The following WASF3 variants were observed in gnomAD, a reference collection of about 807,000 sequenced individuals.
The protein encoded by WASF3 is actin-binding protein WASF3.
A neutral mutation model predicts 46.6 loss-of-function variants in WASF3; 11 were observed. The ratio of observed to expected loss-of-function variants is 0.24; its 90% CI spans 0.15 to 0.39. WASF3 has a LOEUF of 0.39. WASF3 is among the 10% of genes least tolerant of loss of function. WASF3 has a pLI of 1.00. For missense variants in WASF3, 576 were observed against 669.8 expected (o/e 0.86, Z 1.55); for synonymous variants, 242 against 259.7 (o/e 0.93, Z 0.65).
chr13:26,598,944 C>T (rs891292310), intron 1 of WASF3, among the ~76,000 whole-genome samples: 3 of 152,066 alleles, frequency 2.0e-5, no homozygotes, highest in Admixed American at 6.6e-5. Context: ...GATCTTGGCT[C>T]GCTGCATCCT....
intron 9 of WASF3, among the ~76,000 whole-genome samples, chr13:26,683,955 TG>T (rs1329871647): frequency 3.9e-5 from 6 of 152,180 alleles, no homozygotes. Flanking sequence ...TTCTCGCCTG[TG>T]GGGAGCTGCA....
At chr13:26,620,305 G>C (rs892192170) in intron 2 of WASF3, among the ~76,000 whole-genome samples, 1 of 151,718 alleles carries the variant, frequency 6.6e-6, no homozygotes, top group Non-Finnish European at 1.5e-5. Context: ...AACAGATGTA[G>C]GTTCAAATAT....
At chr13:26,617,728 G>A (rs948384519) in intron 2 of WASF3, among the ~76,000 whole-genome samples, 4 of 152,148 alleles carry the variant, frequency 2.6e-5, no homozygotes, top group African/African-American at 9.7e-5. Flanking sequence ...CATTCTATAA[G>A]TGGTTTGGCT....
chr13:26,643,746 T>C (rs1250632832), intron 3 of WASF3, among the ~76,000 whole-genome samples: 1 of 152,206 alleles, frequency 6.6e-6, no homozygotes, highest in Admixed American at 6.5e-5. Context: ...AGAGTTTTAA[T>C]AATCAATCTG....
chr13:26,625,693 C>G (rs991126025), intron 2 of WASF3, among the ~76,000 whole-genome samples: 2 of 152,192 alleles, frequency 1.3e-5, no homozygotes, highest in South Asian at 4.1e-4. Flanking sequence ...AGCACCCTCT[C>G]ACAGACTCAC....
chr13:26,669,803 C>T (rs1427634485), intron 5 of WASF3, among the ~76,000 whole-genome samples: 2 of 152,092 alleles, frequency 1.3e-5, no homozygotes, highest in Non-Finnish European at 2.9e-5. Flanking sequence ...CATCAGCCAC[C>T]ATGCCCAGCC....
At chr13:26,563,274 G>T (rs1356008038) in intron 1 of WASF3, among the ~76,000 whole-genome samples, 1 of 151,804 alleles carries the variant, frequency 6.6e-6, no homozygotes, top group Non-Finnish European at 1.5e-5. Context: ...TGCCCAAGCT[G>T]GTCTTGAACT....
the WASF3 span, among the ~76,000 whole-genome samples, chr13:26,551,055 G>A: frequency 6.6e-6 from 1 of 152,182 alleles, no homozygotes; most frequent in Non-Finnish European, 1.5e-5. Flanking sequence ...CTCCCTTGCT[G>A]TTCTCATGAT....
At chr13:26,659,434 A>C (rs1210567901) in intron 3 of WASF3, among the ~76,000 whole-genome samples, 1 of 152,002 alleles carries the variant, frequency 6.6e-6, no homozygotes, top group African/African-American at 2.4e-5. Flanking sequence ...ATAAGTGGTC[A>C]TCTGGCCTTT....
intron 2 of WASF3, among the ~76,000 whole-genome samples, chr13:26,633,139 A>AT (rs1208783694): frequency 2.8e-5 from 4 of 141,650 alleles, no homozygotes; most frequent in East Asian, 2.1e-4. Context: ...GGATTCATTG[A>AT]TTTTTTGAAG....
intron 3 of WASF3, among the ~76,000 whole-genome samples, chr13:26,652,673 A>G (rs1334164667): frequency 2.0e-5 from 3 of 152,222 alleles, no homozygotes. Context: ...AGATAATTAT[A>G]ATCTTTTTAG....
intron 8 of WASF3, among the ~76,000 whole-genome samples, 165 bp downstream of exon 8, chr13:26,681,485 G>A (rs368481538): frequency 6.6e-6 from 1 of 152,166 alleles, no homozygotes; most frequent in Non-Finnish European, 1.5e-5. Context: ...AATAAAGCAG[G>A]TGCAGCATAA....
At chr13:26,611,125 C>T (rs998217001) in intron 1 of WASF3, among the ~76,000 whole-genome samples, 4 of 148,204 alleles carry the variant, frequency 2.7e-5, no homozygotes, top group African/African-American at 1.0e-4. Flanking sequence ...CTGCTTTAGC[C>T]TCCCAGAGTG....
rs1045780245 is a variant in WASF3 at position 26,682,125 on chromosome 13, T to C, written c.984-482T>C. ...CTCGGCTGAATAGAATTCAGCAGAT[T>C]TCTTGGCTGTGTGACTTTTCGAAGC... On this transcript the variant is annotated intron_variant, in intron 8 of 9. Transcript: ENST00000335327. This position sits in a 1 kb window ranked among gnomAD's most constrained non-coding sequence, Gnocchi z 4.4. Among the ~76,000 whole-genome samples, 1 of 152,192 alleles carries C rather than the reference T, an allele frequency of 6.6e-6. No individual in the cohort carries two copies. The highest frequency in any genetic ancestry group is 6.5e-5 in the Admixed American group (1 of 15,286).
chr13:26,552,844 C>T (rs761905653), upstream of WASF3, among the ~76,000 whole-genome samples: 5 of 152,146 alleles, frequency 3.3e-5, no homozygotes, highest in Non-Finnish European at 7.4e-5. Context: ...TGTTTTTCCA[C>T]TAAAGACTTA....
At position 26,667,986 on chromosome 13, in the gene WASF3, G is replaced by A. The variant is rs183952601; in HGVS notation, c.422+316G>A. On this transcript the variant is annotated intron_variant, in intron 5 of 9. Transcript: ENST00000335327. ...GCATAACAGTATTGTGTGTGGTTATGTTGTTGTTTTTAGATTCGAAGTCAA... is the reference window on the plus strand; with the variant it reads ...GCATAACAGTATTGTGTGTGGTTATATTGTTGTTTTTAGATTCGAAGTCAA... Among the ~76,000 whole-genome samples the A allele has an allele frequency of 2.2e-3, 330 of 152,262 alleles. 2 individuals carry two copies. The highest frequency in any genetic ancestry group is 3.9e-3 in the Non-Finnish European group (266 of 68,020).
the WASF3 span, among the ~76,000 whole-genome samples, chr13:26,540,006 C>A: frequency 1.3e-5 from 2 of 152,112 alleles, no homozygotes; most frequent in East Asian, 3.9e-4. Context: ...AGAGCAGGCA[C>A]AAATGAAGTC....
chr13:26,610,458 A>AG (rs1279955401), intron 1 of WASF3, among the ~76,000 whole-genome samples: 2 of 152,116 alleles, frequency 1.3e-5, no homozygotes, highest in Non-Finnish European at 2.9e-5. Context: ...TGGTTTTACC[A>AG]GGGGGAGGGG....
chr13:26,666,473 G>T (rs1011105555), intron 4 of WASF3, among the ~76,000 whole-genome samples: 7 of 152,214 alleles, frequency 4.6e-5, no homozygotes, highest in African/African-American at 1.7e-4. Flanking sequence ...CTGACAGGAA[G>T]TCTGTATTCT....
Sources: gnomAD v4.1 joint callset for allele counts (sites outside exome capture counted in the v4.1 genomes callset) on GRCh38, gnomAD v4.1.1 for gene constraint, Gnocchi (gnomAD v3.1) non-coding constraint, MANE v1.5 for transcripts, NCBI Gene and HGNC (gene_info 2026-07-23, HGNC 2026-07-21) for gene names.